The following PHLDB2 variants were observed in gnomAD, a reference collection of about 807,000 sequenced individuals.
PHLDB2 encodes pleckstrin homology-like domain family B member 2.
PHLDB2 carries 71 observed loss-of-function variants against 123.6 expected under a neutral mutation model. The observed-to-expected ratio is 0.57, with a 90% CI of 0.47 to 0.70. PHLDB2 has a LOEUF of 0.70. Among genes scored for constraint, PHLDB2 ranks in the 30% least tolerant of loss-of-function variants. The pLI, the probability that PHLDB2 is intolerant of heterozygous loss-of-function variation, is 0.00. For synonymous variants in PHLDB2, 547 were observed against 541.6 expected (o/e 1.01, Z -0.14); for missense variants, 1,446 against 1,519.5 (o/e 0.95, Z 0.80).
chr3:111,875,841 G>T (rs1298524914), intron 1 of PHLDB2, among the ~76,000 whole-genome samples: 2 of 148,830 alleles, frequency 1.3e-5, no homozygotes, highest in African/African-American at 4.9e-5. Context: ...AAAAAAGAAA[G>T]AAAATGTTTA....
intron 1 of PHLDB2, among the ~76,000 whole-genome samples, chr3:111,806,338 C>T (rs942243338): frequency 3.3e-5 from 5 of 152,118 alleles, no homozygotes; most frequent in African/African-American, 1.2e-4. Flanking sequence ...TCTCCCACCC[C>T]AGCCAACCAC....
intron 1 of PHLDB2, among the ~76,000 whole-genome samples, chr3:111,826,853 G>A (rs2062677291): frequency 6.6e-6 from 1 of 152,076 alleles, no homozygotes; most frequent in Non-Finnish European, 1.5e-5. Context: ...CCTGCCTCTA[G>A]GAGGCTGCTC....
chr3:111,771,418 C>T (rs1261952018), intron 1 of PHLDB2, among the ~76,000 whole-genome samples: 4 of 151,468 alleles, frequency 2.6e-5, no homozygotes, highest in African/African-American at 9.7e-5. Context: ...GGTGCCATCT[C>T]GGTTCACTGC....
chr3:111,892,560 G>A (rs1240929337), intron 2 of PHLDB2, among the ~76,000 whole-genome samples: 1 of 152,112 alleles, frequency 6.6e-6, no homozygotes, highest in Non-Finnish European at 1.5e-5. Context: ...TTAGTTCTAG[G>A]TAATAGAGAA....
At chr3:111,829,798 T>C (rs2108463900) in intron 1 of PHLDB2, among the ~76,000 whole-genome samples, 1 of 152,206 alleles carries the variant, frequency 6.6e-6, no homozygotes, top group East Asian at 1.9e-4. Context: ...TTTTGTATAT[T>C]ATTTAACTAG....
At chr3:111,962,946 A>G (rs712522) in intron 13 of PHLDB2, among the ~76,000 whole-genome samples, 8,503 of 142,844 alleles carry the variant, frequency 0.06, 830 homozygotes, top group African/African-American at 0.2. Context: ...AAAAAAAAAA[A>G]AAAGAAAGAA....
intron 1 of PHLDB2, among the ~76,000 whole-genome samples, chr3:111,819,483 A>C (rs1042059005): frequency 4.6e-5 from 7 of 152,340 alleles, no homozygotes; most frequent in Admixed American, 3.9e-4. Flanking sequence ...AAAGCCAGAG[A>C]TATCTGACTA....
At chr3:111,749,050 C>T (rs2107955962) in intron 1 of PHLDB2, among the ~76,000 whole-genome samples, 1 of 151,010 alleles carries the variant, frequency 6.6e-6, no homozygotes, top group African/African-American at 2.4e-5. Context: ...TTCACATTAC[C>T]TATGAGCCTT....
chr3:111,926,290 C>T (rs1041915922), intron 5 of PHLDB2, among the ~76,000 whole-genome samples: 9 of 152,192 alleles, frequency 5.9e-5, no homozygotes, highest in African/African-American at 2.2e-4. Context: ...GCCAAAGTAC[C>T]TGTTACTTCC....
At chr3:111,933,736 A>G (rs1452871045) in intron 6 of PHLDB2, among the ~76,000 whole-genome samples, 2 of 152,190 alleles carry the variant, frequency 1.3e-5, no homozygotes, top group East Asian at 1.9e-4. Context: ...TCAGTTTGTA[A>G]TTTGCTTGTG....
intron 5 of PHLDB2, among the ~76,000 whole-genome samples, chr3:111,927,348 G>A (rs1267046388): frequency 6.6e-6 from 1 of 152,062 alleles, no homozygotes; most frequent in African/African-American, 2.4e-5. Context: ...GTAACACAGT[G>A]AGACCTCATC....
In PHLDB2 at chr3:111,860,750, C is replaced by T. The variant is rs114462032; in HGVS notation, c.-15+1174C>T. Among the ~76,000 whole-genome samples the T allele has an allele frequency of 3.4e-3, 515 of 152,296 alleles. 4 individuals carry two copies. The highest frequency in any genetic ancestry group is 0.012 in the African/African-American group (492 of 41,550). On this transcript the variant is annotated intron_variant, in intron 1 of 17. Coordinates refer to ENST00000431670, the MANE Select transcript of PHLDB2 (RefSeq NM_001134438.2). ...AAATCCTCCGGGCGCCTGGCCCTGC[C>T]CTCTTCCCTAGAAATCTTTATCCTG...
intron 8 of PHLDB2, among the ~76,000 whole-genome samples, chr3:111,942,308 T>G (rs1559914448): frequency 6.6e-6 from 1 of 152,220 alleles, no homozygotes; most frequent in Non-Finnish European, 1.5e-5. Flanking sequence ...CCCAACAGAC[T>G]TTTTTCTAGA....
chr3:111,814,416 C>T (rs2061979516), intron 1 of PHLDB2, among the ~76,000 whole-genome samples: 1 of 152,118 alleles, frequency 6.6e-6, no homozygotes, highest in Admixed American at 6.5e-5. Context: ...GACTGGCTCT[C>T]CTTGCTCCTG....
At chr3:111,834,633 T>G (rs973806452) in intron 1 of PHLDB2, among the ~76,000 whole-genome samples, 1 of 151,894 alleles carries the variant, frequency 6.6e-6, no homozygotes, top group African/African-American at 2.4e-5. Context: ...CCTCATTTCT[T>G]TATAAGACAA....
chr3:111,744,891 G>A (rs187602926), intron 1 of PHLDB2, among the ~76,000 whole-genome samples: 1 of 152,330 alleles, frequency 6.6e-6, no homozygotes, highest in African/African-American at 2.4e-5. Context: ...ACTATTGTTA[G>A]TGACAGCCTG....
At chr3:111,744,549 G>T (rs752170645) in intron 1 of PHLDB2, among the ~76,000 whole-genome samples, 3 of 152,166 alleles carry the variant, frequency 2.0e-5, no homozygotes, top group Non-Finnish European at 4.4e-5. Flanking sequence ...CAACTGAAGT[G>T]CTCATCAGAG....
intron 1 of PHLDB2, among the ~76,000 whole-genome samples, chr3:111,845,005 G>A (rs1440771826): frequency 6.6e-6 from 1 of 152,146 alleles, no homozygotes; most frequent in South Asian, 2.1e-4. Context: ...CGGACTTAAA[G>A]TCAGGAACTC....
At chr3:111,916,186 C>G (rs2068166282) in intron 3 of PHLDB2, 1 of 152,174 alleles carries the variant, frequency 6.6e-6, no homozygotes, top group Non-Finnish European at 1.5e-5. Flanking sequence ...TAGGAGGCCT[C>G]TGAAGCTTAG....
Sources: allele counts gnomAD v4.1 joint callset (sites outside exome capture counted in the v4.1 genomes callset), GRCh38; gene constraint gnomAD v4.1.1; transcripts MANE v1.5; gene names NCBI Gene and HGNC (gene_info 2026-07-23, HGNC 2026-07-21).